The following IL6ST variants were observed in gnomAD, a reference collection of about 807,000 sequenced individuals.
The protein encoded by IL6ST is interleukin-6 receptor subunit beta.
Under a neutral mutation model 91.3 loss-of-function variants are expected in IL6ST, and 24 were observed. The ratio of observed to expected loss-of-function variants is 0.26; its 90% CI spans 0.19 to 0.37. The LOEUF is 0.37. IL6ST is among the 10% of genes least tolerant of loss of function. The pLI, the probability that IL6ST is intolerant of heterozygous loss-of-function variation, is 1.00. For missense variants in IL6ST, 914 were observed against 1,078.5 expected (o/e 0.85, Z 2.14); for synonymous variants, 351 against 373.6 (o/e 0.94, Z 0.70).
At chr5:55,980,375 C>A (rs143522558) in intron 2 of IL6ST, among the ~76,000 whole-genome samples, 2 of 152,188 alleles carry the variant, frequency 1.3e-5, no homozygotes, top group Non-Finnish European at 2.9e-5. Flanking sequence ...CATGGTGAAA[C>A]CCCGTCCATA....
At chr5:55,973,946 G>A (rs74823772) in intron 3 of IL6ST, among the ~76,000 whole-genome samples, 5,187 of 152,222 alleles carry the variant, frequency 0.034, 174 homozygotes, top group African/African-American at 0.087. Flanking sequence ...GGCTAAAACT[G>A]ATAAAATGAA....
In IL6ST at chr5:55,937,093, C is replaced by T. The variant is rs1580769359; in HGVS notation, c.*3989G>A. 2.0e-5 allele frequency: 4 copies of T among 204,330 alleles called. No homozygotes were observed. The highest frequency in any genetic ancestry group is 4.0e-5 in the Non-Finnish European group (4 of 99,474). 12.7% of individuals were successfully genotyped at this position (204,330 alleles called of 1,614,324 possible). A position where few individuals can be genotyped will look rare whatever the true frequency, so the allele number is the denominator to read the frequency against. On this transcript the variant is annotated 3_prime_UTR_variant, in exon 17 of 17. Coordinates refer to ENST00000381298, the MANE Select transcript of IL6ST (RefSeq NM_002184.4). ...GGTATTAATGTAACAGCACTTAAAACCTGTAGTTATCATTCAAAGCTTGTG... is the reference window on the plus strand; with the variant it reads ...GGTATTAATGTAACAGCACTTAAAATCTGTAGTTATCATTCAAAGCTTGTG...
chr5:55,957,409 T>G, intron 8 of IL6ST, 118 bp from the exon 9 acceptor site: 1 of 496,664 alleles, frequency 2.0e-6, no homozygotes, highest in Non-Finnish European at 3.5e-6. Flanking sequence ...ATGGTGTCTC[T>G]ACCTCTTTAT....
rs1750847419 is a variant in IL6ST at position 55,940,682 on chromosome 5, A to T, written c.*400T>A. 3 of 231,300 alleles carry T rather than the reference A, an allele frequency of 1.3e-5. No individual in the cohort carries two copies. Among genetic ancestry groups the T allele is most frequent in the Admixed American group, 1.0e-4 (2 of 19,210 alleles). The allele number at this position is 231,300 out of a possible 1,614,324, so 14.3% of individuals were successfully genotyped here. A position where few individuals can be genotyped will look rare whatever the true frequency, so the allele number is the denominator to read the frequency against. ...TCCTCTTTTATATTAACTGTCCCTAAGCCACTCTGATGACTATTCTAATCA... is the reference window on the plus strand; with the variant it reads ...TCCTCTTTTATATTAACTGTCCCTATGCCACTCTGATGACTATTCTAATCA... On this transcript the variant is annotated 3_prime_UTR_variant, in exon 17 of 17. Coordinates refer to ENST00000381298, the MANE Select transcript of IL6ST (RefSeq NM_002184.4).
intron 3 of IL6ST, among the ~76,000 whole-genome samples, chr5:55,971,819 G>A (rs1278769770): frequency 2.0e-5 from 3 of 152,160 alleles, no homozygotes; most frequent in Non-Finnish European, 4.4e-5. Flanking sequence ...AGTCAAAATT[G>A]TATCCCCAAA....
chr5:55,976,072 T>A, intron 3 of IL6ST, 143 bp downstream of exon 3: 1 of 395,590 alleles, frequency 2.5e-6, no homozygotes, highest in Non-Finnish European at 4.5e-6. Flanking sequence ...TTTATTAAAA[T>A]CAATTTAAGA....
intron 14 of IL6ST, 22 bp from the exon 15 acceptor site, chr5:55,947,611 AAAAAAAG>A: frequency 7.2e-7 from 1 of 1,385,054 alleles, no homozygotes; most frequent in Non-Finnish European, 1.0e-6. Flanking sequence ...AAAAAAAAAA[AAAAAAAG>A]AGGTGTGATG....
rs545504069 is a variant in IL6ST, at chr5:55,950,365, C to T, written c.1840+1099G>A. ...CATCCCAGCCAACATGGTGAAACCC[C>T]GTCTCTACAAAAATACAAAAAATTA... On this transcript the variant is annotated intron_variant, in intron 14 of 16. Coordinates refer to ENST00000381298, the MANE Select transcript of IL6ST (RefSeq NM_002184.4). Among the ~76,000 whole-genome samples, 5 of 151,094 alleles carry T rather than the reference C, an allele frequency of 3.3e-5. No individual in the cohort carries two copies. In the South Asian group the frequency reaches 8.4e-4, roughly 25 times the overall value.
chr5:55,988,437 A>C lies in IL6ST; in HGVS notation c.-103-5626T>G, dbSNP rs1176343597. On this transcript the variant is annotated intron_variant, in intron 1 of 16. Coordinates refer to ENST00000381298, the MANE Select transcript of IL6ST (RefSeq NM_002184.4). ...TCATCAAAAAATAATAGGACTATTT[A>C]GAGTTTAACATAACAGTCAAACAAA... 7.2e-5 allele frequency among the ~76,000 whole-genome samples: 11 copies of C among 152,336 alleles called. No individual in the cohort carries two copies. In the East Asian group the frequency reaches 2.1e-3, roughly 29 times the overall value.
At position 55,956,025 on chromosome 5, in the gene IL6ST, C is replaced by G; in HGVS notation, c.1267G>C (p.Ala423Pro). Residue 423 changes from alanine (A) to proline (P), a missense_variant and splice_region_variant, in exon 10 of 17, where the codon GCT (alanine) becomes CCT (proline). Transcript: ENST00000381298. ...VLTIPACDFQ[A>P]THPVMDLKAF... ...CAGGCTCCATCTCACAGATACAAAC[C>G]TTGAAAGTCACAGGCAGGGATAGTT... 1 of 1,609,256 alleles carries G rather than the reference C, an allele frequency of 6.2e-7. No individual in the cohort carries two copies. The highest frequency in any genetic ancestry group is 2.2e-5 in the East Asian group (1 of 44,854).
rs768985381 is a variant in IL6ST, at chr5:55,956,198, T to A, written c.1094A>T (p.Asp365Val). Residue 365 changes from aspartate (D) to valine (V), a missense_variant, in exon 10 of 17, where the codon GAT (aspartate) becomes GTT (valine). Asp to Val is a radical substitution (Grantham distance 152). Transcript: ENST00000381298. ...PPFEANGKIL[D>V]YEVTLTRWKS... is the part of the protein sequence containing the mutation. ...CCATCTTGTGAGAGTCACTTCATAATCCAAGATTTTTCCATTGGCTTCAAA... is the reference window on the plus strand; with the variant it reads ...CCATCTTGTGAGAGTCACTTCATAAACCAAGATTTTTCCATTGGCTTCAAA... 2.5e-6 allele frequency: 4 copies of A among 1,610,960 alleles called. No homozygotes were observed. The highest frequency in any genetic ancestry group is 3.4e-6 in the Non-Finnish European group (4 of 1,177,292).
intron 2 of IL6ST, among the ~76,000 whole-genome samples, chr5:55,980,564 A>G (rs771431630): frequency 6.6e-6 from 1 of 152,184 alleles, no homozygotes; most frequent in Non-Finnish European, 1.5e-5. Context: ...AATAAATAAA[A>G]TAAATAAATA....
At chr5:55,979,905 A>C (rs1753542031) in intron 2 of IL6ST, among the ~76,000 whole-genome samples, 1 of 152,250 alleles carries the variant, frequency 6.6e-6, no homozygotes, top group Non-Finnish European at 1.5e-5. Context: ...AAATGATGGT[A>C]TACCAAAACC....
chr5:55,985,565 T>C (rs1288685070), intron 1 of IL6ST, among the ~76,000 whole-genome samples: 3 of 152,002 alleles, frequency 2.0e-5, no homozygotes, highest in African/African-American at 4.8e-5. Context: ...CAAAAAGGTT[T>C]TTTCCTACAA....
chr5:55,966,806 A>G (rs573037637), intron 5 of IL6ST, among the ~76,000 whole-genome samples: 1 of 152,282 alleles, frequency 6.6e-6, no homozygotes, highest in Admixed American at 6.5e-5. Context: ...GAAAAAACAA[A>G]TGGGAAACTT....
rs1750792959 is a variant in IL6ST, at chr5:55,940,122, G to GACATGTGTGTGT, written c.*959_*960insACACACACATGT. On this transcript the variant is annotated 3_prime_UTR_variant, in exon 17 of 17. Coordinates refer to ENST00000381298, the MANE Select transcript of IL6ST (RefSeq NM_002184.4). ...CTCTGAAGTCTTAAGAAAAGTCAATGATATGTGTGTGTATATATATATATA... is the reference window on the plus strand; with the variant it reads ...CTCTGAAGTCTTAAGAAAAGTCAATGACATGTGTGTGTATATGTGTGTGTATATATATATATA... The GACATGTGTGTGT allele has an allele frequency of 5.7e-6, 1 of 175,800 alleles. No homozygotes were observed. The highest frequency in any genetic ancestry group is 1.2e-5 in the Non-Finnish European group (1 of 86,122). 10.9% of individuals were successfully genotyped at this position (175,800 alleles called of 1,614,324 possible).
At chr5:55,992,635 G>GTCC (rs1754397055) in intron 1 of IL6ST, among the ~76,000 whole-genome samples, 1 of 152,092 alleles carries the variant, frequency 6.6e-6, no homozygotes, top group South Asian at 2.1e-4. Flanking sequence ...CCACAAGCTA[G>GTCC]TCCTATATTA....
intron 2 of IL6ST, among the ~76,000 whole-genome samples, chr5:55,979,226 C>A (rs1394833058): frequency 2.6e-5 from 4 of 152,008 alleles, no homozygotes; most frequent in Admixed American, 2.0e-4. Context: ...GACCCTGACT[C>A]TACAAAAAAA....
intron 8 of IL6ST, 45 bp downstream of exon 8, chr5:55,960,357 C>T (rs1752236051): frequency 6.6e-7 from 1 of 1,507,708 alleles, no homozygotes; most frequent in Non-Finnish European, 9.1e-7. Context: ...CAGTTCACAT[C>T]TGGAATTCCA....
Sources: gnomAD v4.1 joint callset for allele counts (sites outside exome capture counted in the v4.1 genomes callset) on GRCh38, gnomAD v4.1.1 for gene constraint, MANE v1.5 for transcripts, NCBI Gene and HGNC (gene_info 2026-07-23, HGNC 2026-07-21) for gene names.